ZRANB3: variants seen among roughly 807,000 people sequenced by gnomAD.
ZRANB3 encodes the protein DNA annealing helicase and endonuclease ZRANB3.
A neutral mutation model predicts 133.8 loss-of-function variants in ZRANB3; 125 were observed. The observed-to-expected ratio is 0.93, with a 90% CI of 0.81 to 1.08. The LOEUF (loss-of-function observed/expected upper bound fraction) is 1.08. Ranked by LOEUF, ZRANB3 falls within the 50% of genes least tolerant of loss-of-function variation. The probability of loss-of-function intolerance (pLI) is 0.00; values close to 1 mark genes in which losing one functional copy is unlikely to be tolerated. For missense variants in ZRANB3, 1,229 were observed against 1,275.5 expected (o/e 0.96, Z 0.56); for synonymous variants, 387 against 432.7 (o/e 0.89, Z 1.31).
chr2:135,249,601 TGGGAGGGACCCAG>T (rs1252316868), intron 12 of ZRANB3, among the ~76,000 whole-genome samples: 2 of 152,194 alleles, frequency 1.3e-5, no homozygotes, highest in Non-Finnish European at 2.9e-5. Flanking sequence ...CCACATGTTG[TGGGAGGGACCCAG>T]GGGAAGGTAA....
chr2:135,312,379 G>C (rs954460257), intron 8 of ZRANB3, among the ~76,000 whole-genome samples: 1 of 151,186 alleles, frequency 6.6e-6, no homozygotes, highest in Non-Finnish European at 1.5e-5. Context: ...CATTTTAAAA[G>C]GATAAATTTC....
chr2:135,474,989 T>A (rs985508320), intron 2 of ZRANB3, among the ~76,000 whole-genome samples: 8 of 152,110 alleles, frequency 5.3e-5, no homozygotes, highest in Admixed American at 6.6e-5. Flanking sequence ...ACACTGACTT[T>A]CAGGATGATA....
intron 1 of ZRANB3, among the ~76,000 whole-genome samples, chr2:135,519,127 T>C (rs923981889): frequency 6.6e-6 from 1 of 152,068 alleles, no homozygotes; most frequent in African/African-American, 2.4e-5. Context: ...TGGGGTGGGA[T>C]AGAAGTGGTT....
At chr2:135,408,466 C>A (rs1688147599) in intron 2 of ZRANB3, among the ~76,000 whole-genome samples, 1 of 149,512 alleles carries the variant, frequency 6.7e-6, no homozygotes. Context: ...CCAGCCATCC[C>A]ATTACTGGGT....
chr2:135,523,481 C>T (rs1694028753), intron 1 of ZRANB3, among the ~76,000 whole-genome samples: 1 of 152,194 alleles, frequency 6.6e-6, no homozygotes, highest in African/African-American at 2.4e-5. Flanking sequence ...GAATCATAGA[C>T]TTTCTTATGG....
chr2:135,282,351 A>G (rs1223239271), intron 8 of ZRANB3, among the ~76,000 whole-genome samples: 1 of 152,190 alleles, frequency 6.6e-6, no homozygotes, highest in Non-Finnish European at 1.5e-5. Flanking sequence ...ATAGTTTTTA[A>G]TTTAGAAACT....
chr2:135,316,967 GAAA>G lies in ZRANB3; in HGVS notation c.678-1440_678-1438del, dbSNP rs36092486. On this transcript the variant is annotated intron_variant, in intron 6 of 20. Coordinates refer to ENST00000264159, the MANE Select transcript of ZRANB3 (RefSeq NM_032143.4). Reference sequence around the variant, plus strand: ...GTGACAGAGCGAGATTCCGTCTCGAGAAAAAAAAAAAAAAAAATATATATATAT... The same window carrying G: ...GTGACAGAGCGAGATTCCGTCTCGAGAAAAAAAAAAAAAATATATATATAT... Among the ~76,000 whole-genome samples the G allele has an allele frequency of 2.6e-3, 251 of 98,122 alleles. 1 individual carries two copies. Among genetic ancestry groups the G allele is most frequent in the African/African-American group, 7.5e-3 (238 of 31,712 alleles). 64.4% of individuals were successfully genotyped at this position (98,122 alleles called of 152,430 possible).
chr2:135,237,098 A>T (rs1695322961), intron 12 of ZRANB3, among the ~76,000 whole-genome samples: 1 of 152,220 alleles, frequency 6.6e-6, no homozygotes, highest in South Asian at 2.1e-4. Flanking sequence ...TTACAAGAAA[A>T]AAACAAACAA....
intron 1 of ZRANB3, among the ~76,000 whole-genome samples, chr2:135,525,772 C>T (rs746871440): frequency 5.5e-5 from 8 of 145,836 alleles, no homozygotes; most frequent in African/African-American, 1.0e-4. Flanking sequence ...CGCTTGAACC[C>T]GGGAGGAGGA....
intron 3 of ZRANB3, among the ~76,000 whole-genome samples, chr2:135,379,443 G>T (rs79647179): frequency 0.032 from 4,834 of 152,292 alleles, 247 homozygotes; most frequent in African/African-American, 0.11. Flanking sequence ...GACAGTGAGA[G>T]TTGGAGCTGA....
At chr2:135,337,721 G>C (rs1385406669) in intron 6 of ZRANB3, among the ~76,000 whole-genome samples, 1 of 152,128 alleles carries the variant, frequency 6.6e-6, no homozygotes, top group African/African-American at 2.4e-5. Context: ...CTGTGTCACA[G>C]AACTCTCTCA....
intron 8 of ZRANB3, among the ~76,000 whole-genome samples, chr2:135,305,524 T>C (rs1304616786): frequency 1.3e-5 from 2 of 152,236 alleles, no homozygotes; most frequent in East Asian, 1.9e-4. Context: ...CATGTGAGGA[T>C]TGCCATTTTG....
At chr2:135,437,399 C>T (rs1304267129) in intron 2 of ZRANB3, among the ~76,000 whole-genome samples, 1 of 152,114 alleles carries the variant, frequency 6.6e-6, no homozygotes, top group East Asian at 1.9e-4. Context: ...ATTTGCATAA[C>T]GTTCAGAAAC....
At chr2:135,499,244 A>G (rs974597910) in intron 2 of ZRANB3, among the ~76,000 whole-genome samples, 1 of 152,196 alleles carries the variant, frequency 6.6e-6, no homozygotes, top group Non-Finnish European at 1.5e-5. Context: ...CCCATGTTGA[A>G]TACTGGGGGC....
rs60746564 is a variant in ZRANB3 at position 135,251,053 on chromosome 2, G to A, written c.1539+14481C>T. Reference sequence around the variant, plus strand: ...GAGGCTGTACCCTACAATGCCACAGGGGCAGTACTGCCCAAGACCATGGGA... The same window carrying A: ...GAGGCTGTACCCTACAATGCCACAGAGGCAGTACTGCCCAAGACCATGGGA... On this transcript the variant is annotated intron_variant, in intron 12 of 20. Transcript: ENST00000264159. 2.1e-3 allele frequency among the ~76,000 whole-genome samples: 325 copies of A among 152,224 alleles called. 2 individuals are homozygous for A. The highest frequency in any genetic ancestry group is 7.4e-3 in the African/African-American group (306 of 41,562).
At chr2:135,382,425 T>C (rs1393486029) in intron 3 of ZRANB3, among the ~76,000 whole-genome samples, 3 of 152,164 alleles carry the variant, frequency 2.0e-5, no homozygotes, top group Non-Finnish European at 2.9e-5. Flanking sequence ...CTCTGCAGGA[T>C]ATTATCCAGG....
intron 14 of ZRANB3, among the ~76,000 whole-genome samples, chr2:135,226,597 A>C (rs1694769223): frequency 6.6e-6 from 1 of 152,230 alleles, no homozygotes; most frequent in South Asian, 2.1e-4. Context: ...AGTGATTTTT[A>C]AAAAACATTT....
chr2:135,305,700 T>C lies in ZRANB3; in HGVS notation c.966+7789A>G, dbSNP rs1027188749. Among the ~76,000 whole-genome samples the C allele has an allele frequency of 1.2e-4, 18 of 152,250 alleles. 1 individual carries two copies. Among genetic ancestry groups the C allele is most frequent in the Admixed American group, 6.5e-5 (1 of 15,286 alleles). On this transcript the variant is annotated intron_variant, in intron 8 of 20. Transcript: ENST00000264159. ...AGTTTTGTACTTTCATGTGTTTTCATGATGGTAGATACAATTATTTTTTTC... is the reference window on the plus strand; with the variant it reads ...AGTTTTGTACTTTCATGTGTTTTCACGATGGTAGATACAATTATTTTTTTC...
intron 8 of ZRANB3, among the ~76,000 whole-genome samples, chr2:135,290,934 A>C (rs1681677494): frequency 6.6e-6 from 1 of 152,156 alleles, no homozygotes; most frequent in Non-Finnish European, 1.5e-5. Context: ...AACACCAATT[A>C]TTCTGGCACC....
Sources: allele counts gnomAD v4.1 joint callset (sites outside exome capture counted in the v4.1 genomes callset), GRCh38; gene constraint gnomAD v4.1.1; transcripts MANE v1.5; gene names NCBI Gene and HGNC (gene_info 2026-07-23, HGNC 2026-07-21).